The following BROX variants were observed in gnomAD, a reference collection of about 807,000 sequenced individuals.
BROX encodes the protein BRO1 domain and CAAX motif containing, also known as BRO1 domain-containing protein BROX.
In BROX, 53 loss-of-function variants were observed where a neutral mutation model predicts 61.0. That is an observed-to-expected ratio of 0.87 (90% CI 0.70 to 1.09). The LOEUF (loss-of-function observed/expected upper bound fraction) is 1.09. BROX is among the 50% of genes least tolerant of loss of function. The probability of loss-of-function intolerance (pLI) is 0.00; values close to 1 mark genes in which losing one functional copy is unlikely to be tolerated. For missense variants in BROX, 489 were observed against 472.0 expected, an observed-to-expected ratio of 1.04 and a Z score of -0.33; for synonymous variants, 152 against 160.2, an observed-to-expected ratio of 0.95 and a Z score of 0.38.
chr1:222,725,447 C>G lies in BROX; in HGVS notation c.475-3C>G, dbSNP rs754630006. 1 of 1,583,576 alleles carries G rather than the reference C, an allele frequency of 6.3e-7. No homozygotes were observed. Among genetic ancestry groups the G allele is most frequent in the Admixed American group, 1.9e-5 (1 of 52,742 alleles). ...TTTTTGTCTTTTTTGTTGTTGTTCT[C>G]AGGAAAGTCATCTCCCAAAACTCAT... On this transcript the variant is annotated splice_polypyrimidine_tract_variant and splice_region_variant and intron_variant, in intron 6 of 12. Transcript: ENST00000340934.
chr1:222,731,800 A>G (rs1223026700), intron 12 of BROX, among the ~76,000 whole-genome samples: 2 of 152,220 alleles, frequency 1.3e-5, no homozygotes, highest in Admixed American at 1.3e-4. Context: ...GTGGGAGAAA[A>G]GATCATCCAT....
rs974768930 is a variant in BROX, at chr1:222,713,502, C to T, written c.-17+560C>T. On this transcript the variant is annotated intron_variant, in intron 1 of 12. Transcript: ENST00000340934. ...CCTCTTGTGGAAGTGTGTTAGCTTACAGCTTCGATCCGAATGTTGTATTGG... is the reference window on the plus strand; with the variant it reads ...CCTCTTGTGGAAGTGTGTTAGCTTATAGCTTCGATCCGAATGTTGTATTGG... 6 of 924,184 alleles carry T rather than the reference C, an allele frequency of 6.5e-6. No individual in the cohort carries two copies. The African/African-American group carries it at 1.1e-4, about 16-fold the overall frequency. 57.2% of individuals were successfully genotyped at this position (924,184 alleles called of 1,614,324 possible).
intron 6 of BROX, among the ~76,000 whole-genome samples, chr1:222,724,403 G>C (rs889855283): frequency 6.6e-6 from 1 of 152,178 alleles, no homozygotes; most frequent in African/African-American, 2.4e-5. Context: ...TTAAGTTTTA[G>C]TGCTCTGCTT....
intron 1 of BROX, among the ~76,000 whole-genome samples, chr1:222,714,140 C>G (rs1376460010): frequency 6.6e-6 from 1 of 151,454 alleles, no homozygotes; most frequent in Non-Finnish European, 1.5e-5. Flanking sequence ...ATGTTTAGGT[C>G]TTCGCCTGGG....
intron 2 of BROX, among the ~76,000 whole-genome samples, chr1:222,716,847 G>C (rs940405031): frequency 3.3e-5 from 5 of 152,242 alleles, no homozygotes; most frequent in African/African-American, 1.2e-4. Flanking sequence ...ATAGTGAGTA[G>C]AGCAGTTTGG....
At chr1:222,730,848 G>A (rs961086003) in intron 11 of BROX, among the ~76,000 whole-genome samples, 1 of 151,420 alleles carries the variant, frequency 6.6e-6, no homozygotes, top group Non-Finnish European at 1.5e-5. Context: ...TTGCATATTC[G>A]TCTCACTCTG....
intron 1 of BROX, chr1:222,713,299 C>T (rs1656211256): frequency 4.1e-6 from 4 of 985,812 alleles, no homozygotes; most frequent in Non-Finnish European, 4.8e-6. Flanking sequence ...GAGGGGAACT[C>T]AAGTGTTGGC....
chr1:222,734,939 G>T lies in BROX; in HGVS notation c.*2225G>T, dbSNP rs896205175. The T allele has an allele frequency of 1.3e-5, 2 of 152,132 alleles. No homozygotes were observed. Among genetic ancestry groups the T allele is most frequent in the Non-Finnish European group, 2.9e-5 (2 of 68,036 alleles). The allele number at this position is 152,132 out of a possible 1,614,324, so 9.4% of individuals were successfully genotyped here. A position where few individuals can be genotyped will look rare whatever the true frequency, so the allele number is the denominator to read the frequency against. On this transcript the variant is annotated 3_prime_UTR_variant, in exon 13 of 13. Coordinates refer to ENST00000340934, the MANE Select transcript of BROX (RefSeq NM_144695.4). ...TTTGACATGAGCATATAAATATTTT[G>T]TTGACTCAGCAAAGGTGACACTTTG...
intron 12 of BROX, among the ~76,000 whole-genome samples, chr1:222,731,998 A>G (rs921509175): frequency 6.6e-6 from 1 of 152,210 alleles, no homozygotes; most frequent in Non-Finnish European, 1.5e-5. Context: ...AGGTCTAACT[A>G]CCAAAAGACT....
rs141739250 is a variant in BROX, at chr1:222,729,384, A to G, written c.757-236A>G. On this transcript the variant is annotated intron_variant, in intron 9 of 12. Coordinates refer to ENST00000340934, the MANE Select transcript of BROX (RefSeq NM_144695.4). ...TTTATCTACTATTTCCTAATTTTAA[A>G]TACAGATTTCAGCAAATAACTTTTT... Among the ~76,000 whole-genome samples, 45 of 152,322 alleles carry G rather than the reference A, an allele frequency of 3.0e-4. No individual in the cohort carries two copies. The East Asian group carries it at 3.5e-3, about 12-fold the overall frequency.
At chr1:222,724,568 T>C (rs979762092) in intron 6 of BROX, among the ~76,000 whole-genome samples, 2 of 152,192 alleles carry the variant, frequency 1.3e-5, no homozygotes, top group Non-Finnish European at 2.9e-5. Context: ...CTAAAAACTT[T>C]AGAGTGACAA....
chr1:222,723,129 G>A (rs75270867), intron 5 of BROX, among the ~76,000 whole-genome samples: 3,159 of 152,290 alleles, frequency 0.021, 102 homozygotes, highest in African/African-American at 0.072. Context: ...TGTATGTGCT[G>A]ATGTAAAATT....
At chr1:222,725,022 T>C (rs1657400086) in intron 6 of BROX, among the ~76,000 whole-genome samples, 1 of 152,150 alleles carries the variant, frequency 6.6e-6, no homozygotes, top group Non-Finnish European at 1.5e-5. Context: ...CTCAAACTCC[T>C]GACCTCGTGA....
chr1:222,724,130 T>C lies in BROX; in HGVS notation c.440T>C (p.Leu147Pro). The C allele has an allele frequency of 1.2e-6, 2 of 1,612,178 alleles. No individual in the cohort carries two copies. Among genetic ancestry groups the C allele is most frequent in the Non-Finnish European group, 1.7e-6 (2 of 1,179,248 alleles). The change falls in exon 6 of 13, where the codon CTA (leucine) becomes CCA (proline). Residue 147 changes from leucine to proline, a missense_variant. By Grantham distance (98) the Leu-to-Pro change is moderately conservative. Coordinates refer to ENST00000340934, the MANE Select transcript of BROX (RefSeq NM_144695.4). ...EDEAKEVHRSLKIAAGIFKHL... is the reference protein window; with the variant it reads ...EDEAKEVHRSPKIAAGIFKHL... The stretch of plus-strand genomic sequence containing the variant: ...GAAGCAAAAGAAGTTCATCGAAGCC[T>C]AAAGATTGCAGCTGGGATTTTTAAA...
intron 1 of BROX, among the ~76,000 whole-genome samples, chr1:222,714,563 T>G (rs1023736830): frequency 6.7e-6 from 1 of 149,378 alleles, no homozygotes. Context: ...TTAGGTGGTG[T>G]TCCAAGTTTT....
rs759822286 is a variant in BROX at position 222,730,154 on chromosome 1, A to G, written c.966A>G (p.Lys322=). 1.9e-6 allele frequency: 3 copies of G among 1,608,668 alleles called. No individual in the cohort carries two copies. The highest frequency in any genetic ancestry group is 1.7e-5 in the Admixed American group (1 of 59,446). Residue 322 remains lysine (K), a synonymous_variant, in exon 11 of 13, where the codon AAA becomes AAG. Coordinates refer to ENST00000340934, the MANE Select transcript of BROX (RefSeq NM_144695.4). ...ACCTTGTGAAGAACACCCTAGAAAAATGTCAGAGAGAAAATGGATTTATGT... is the reference window on the plus strand; with the variant it reads ...ACCTTGTGAAGAACACCCTAGAAAAGTGTCAGAGAGAAAATGGATTTATGT... ...LGNLVKNTLE[K]CQRENGFIYF... is the part of the protein sequence containing the mutation.
Position 222,731,474 on chromosome 1 carries a change from A to AT in BROX, c.1109dup (p.Leu370PhefsTer5). ...CAAGTGTTCAGTGGACACCAGAAAC[A>AT]TTGGCTGCATTTGATCTCACCAAAA... On this transcript the variant is annotated frameshift_variant, in exon 12 of 13. Coordinates refer to ENST00000340934, the MANE Select transcript of BROX (RefSeq NM_144695.4). LOFTEE classifies it high-confidence loss of function. The AT allele has an allele frequency of 6.2e-7, 1 of 1,602,462 alleles. No individual in the cohort carries two copies. Among genetic ancestry groups the AT allele is most frequent in the Non-Finnish European group, 8.5e-7 (1 of 1,176,852 alleles).
In BROX at chr1:222,718,959, C is replaced by CTG; in HGVS notation, c.138_139dup (p.Phe47CysfsTer5). The CTG allele has an allele frequency of 2.5e-6, 4 of 1,613,930 alleles. No homozygotes were observed. The highest frequency in any genetic ancestry group is 1.3e-5 in the African/African-American group (1 of 75,050). The stretch of plus-strand genomic sequence containing the variant: ...GTCATCCAGGGCACGACTCCTTGAA[C>CTG]TGTTCACTGATTTGAGCTGTAATCC... On this transcript the variant is annotated frameshift_variant, in exon 3 of 13. Transcript: ENST00000340934. LOFTEE classifies it high-confidence loss of function.
chr1:222,714,451 G>C (rs929367054), intron 1 of BROX, among the ~76,000 whole-genome samples: 28 of 150,752 alleles, frequency 1.9e-4, no homozygotes, highest in African/African-American at 6.6e-4. Context: ...GCCCGCCTCG[G>C]CCTCCCAAAG....
Sources: allele counts gnomAD v4.1 joint callset (sites outside exome capture counted in the v4.1 genomes callset), GRCh38; gene constraint gnomAD v4.1.1; transcripts MANE v1.5; gene names NCBI Gene and HGNC (gene_info 2026-07-23, HGNC 2026-07-21).